The following GBP5 variants were observed in gnomAD, a reference collection of about 807,000 sequenced individuals.
GBP5 encodes the protein guanylate binding protein 5.
A neutral mutation model predicts 58.2 loss-of-function variants in GBP5; 48 were observed. The observed-to-expected ratio is 0.83, with a 90% CI of 0.65 to 1.05. The LOEUF is 1.05. GBP5 is among the 50% of genes least tolerant of loss of function. The pLI is 0.00. For synonymous variants in GBP5, 248 were observed against 251.8 expected (o/e 0.98, Z 0.14); for missense variants, 714 against 686.8 (o/e 1.04, Z -0.44).
chr1:89,263,893 G>A lies in GBP5; in HGVS notation c.1205C>T (p.Ser402Leu), dbSNP rs750275362. The part of the protein sequence containing the change: ...DICKRNLEAS[S>L]DYCSALLKDI... ...CTTAAGTAAAGCCGAGCAATAATCC[G>A]AGGATGCTTCCAGGTTCCGTTTACA... is the stretch of plus-strand genomic sequence containing the variant. The change falls in exon 9 of 12, where the codon TCG (serine) becomes TTG (leucine). Residue 402 changes from serine to leucine, a missense_variant. By Grantham distance (145) the Ser-to-Leu change is moderately radical. Transcript: ENST00000370459. The A allele has an allele frequency of 2.4e-5, 39 of 1,612,456 alleles. No homozygotes were observed. The South Asian group carries it at 3.0e-4, about 12-fold the overall frequency.
intron 2 of GBP5, 101 bp from the exon 3 acceptor site, chr1:89,269,675 G>T: frequency 4.3e-6 from 3 of 690,230 alleles, no homozygotes; most frequent in Non-Finnish European, 2.5e-6. Flanking sequence ...CTACTCCCCA[G>T]CACTGCCTAA....
intron 9 of GBP5, 87 bp from the exon 10 acceptor site, chr1:89,262,872 A>G: frequency 1.2e-6 from 1 of 816,538 alleles, no homozygotes; most frequent in Non-Finnish European, 1.9e-6. Flanking sequence ...TTCCAGCAGC[A>G]TCTATTCCTC....
Position 89,269,537 on chromosome 1 carries a change from T to G in GBP5, c.19A>C (p.Met7Leu), listed in dbSNP as rs772520979. 4.1e-5 allele frequency: 66 copies of G among 1,613,494 alleles called. No homozygotes were observed. The highest frequency in any genetic ancestry group is 4.2e-5 in the Non-Finnish European group (49 of 1,179,488). ...TCGATGAGGCACATGGGGTCTGACA[T>G]GTGGATCTCTAAAGCCATGTCTAGG... MALEIH[M>L]SDPMCLIENF... Residue 7 changes from methionine (M) to leucine (L), a missense_variant, in exon 3 of 12, where the codon ATG becomes CTG. Physicochemically the swap from Met to Leu is conservative, Grantham distance 15. Coordinates refer to ENST00000370459, the MANE Select transcript of GBP5 (RefSeq NM_052942.5).
chr1:89,260,342 G>A lies in GBP5; in HGVS notation c.*362C>T, dbSNP rs1649958915. The A allele has an allele frequency of 5.7e-6, 1 of 176,542 alleles. No individual in the cohort carries two copies. The highest frequency in any genetic ancestry group is 1.1e-4 in the South Asian group (1 of 8,944). 10.9% of individuals were successfully genotyped at this position (176,542 alleles called of 1,614,324 possible). Reference sequence around the variant, plus strand: ...AGAGCTAGTCTATGGCCTGAGGGTTGGGAAGCCCTGCTCTAGGTAACATAA... The same window carrying A: ...AGAGCTAGTCTATGGCCTGAGGGTTAGGAAGCCCTGCTCTAGGTAACATAA... On this transcript the variant is annotated 3_prime_UTR_variant, in exon 12 of 12. Coordinates refer to ENST00000370459, the MANE Select transcript of GBP5 (RefSeq NM_052942.5).
At chr1:89,262,498 C>T (rs1009907895) in intron 10 of GBP5, 97 bp from the exon 11 acceptor site, 2 of 1,188,330 alleles carry the variant, frequency 1.7e-6, no homozygotes, top group African/African-American at 3.1e-5. Context: ...GGATAAAATT[C>T]CCAGGGGTTG....
chr1:89,261,555 C>T (rs2100715873), intron 11 of GBP5, among the ~76,000 whole-genome samples: 2 of 152,278 alleles, frequency 1.3e-5, no homozygotes, highest in East Asian at 3.9e-4. Context: ...CCCCACTTAT[C>T]TCATCTGAAA....
Position 89,264,780 on chromosome 1 carries a change from A to T in GBP5, c.1055T>A (p.Leu352Gln). The stretch of plus-strand genomic sequence containing the variant: ...CCTCTCACTGGTCCTGTGCAGGTCC[A>T]GCAGCTCCTGGAGGGTTTCCATGGG... ...QLPMETLQEL[L>Q]DLHRTSEREA... Residue 352 changes from leucine to glutamine, a missense_variant, in exon 8 of 12, where the codon CTG becomes CAG. By Grantham distance (113) the Leu-to-Gln change is moderately radical. Transcript: ENST00000370459. 1.2e-6 allele frequency: 2 copies of T among 1,614,220 alleles called. No individual in the cohort carries two copies. The highest frequency in any genetic ancestry group is 8.5e-7 in the Non-Finnish European group (1 of 1,180,034).
intron 4 of GBP5, 48 bp from the exon 5 acceptor site, chr1:89,267,574 G>T: frequency 8.8e-7 from 1 of 1,136,014 alleles, no homozygotes; most frequent in African/African-American, 1.5e-5. Flanking sequence ...ATTCCCAGAT[G>T]AGCGATATTT....
At chr1:89,265,485 T>C (rs1315766899) in intron 7 of GBP5, among the ~76,000 whole-genome samples, 3 of 151,400 alleles carry the variant, frequency 2.0e-5, no homozygotes, top group Non-Finnish European at 4.4e-5. Context: ...AGTGCAAAGT[T>C]TGGGAGGCTG....
chr1:89,268,835 A>C lies in GBP5; in HGVS notation c.212T>G (p.Val71Gly). The C allele has an allele frequency of 6.2e-7, 1 of 1,614,020 alleles. No individual in the cohort carries two copies. The highest frequency in any genetic ancestry group is 8.5e-7 in the Non-Finnish European group (1 of 1,179,944). ...KNKGFSVAST[V>G]QSHTKGIWIW... ...CCAAATTCCCTTGGTGTGAGACTGCACCGTAGATGCAACAGAGAAGCCTGT... is the reference window on the plus strand; with the variant it reads ...CCAAATTCCCTTGGTGTGAGACTGCCCCGTAGATGCAACAGAGAAGCCTGT... The change falls in exon 4 of 12, where the codon GTG becomes GGG. Residue 71 changes from valine to glycine, a missense_variant. Transcript: ENST00000370459.
Position 89,266,583 on chromosome 1 carries a change from C to A in GBP5, c.631G>T (p.Asp211Tyr). Reference protein sequence around the residue: ...ENSLRPKQGSDQRVQNFNLPR... With the variant: ...ENSLRPKQGSYQRVQNFNLPR... ...AAATTGAAATTTTGAACTCTTTGAT[C>A]ACTACCTGGAGAATAAAAAATAGGA... The change falls in exon 7 of 12, where the codon GAT becomes TAT. Residue 211 changes from aspartate to tyrosine, a missense_variant. Transcript: ENST00000370459. 1.2e-6 allele frequency: 2 copies of A among 1,611,188 alleles called. No homozygotes were observed. Among genetic ancestry groups the A allele is most frequent in the South Asian group, 2.2e-5 (2 of 90,928 alleles).
At chr1:89,265,071 GT>G in intron 7 of GBP5, 105 bp from the exon 8 acceptor site, 1 of 1,141,866 alleles carries the variant, frequency 8.8e-7, no homozygotes, top group Non-Finnish European at 1.3e-6. Flanking sequence ...GCCTGAAATT[GT>G]TTAGCATTAT....
At position 89,262,419 on chromosome 1, in the gene GBP5, A is replaced by G. The variant is rs1557500449; in HGVS notation, c.1466-18T>C. ...TTGTGCCTCTGAGGAGAAAAAGATA[A>G]TCTTCTCTAGGATTAATGTGCCTCT... On this transcript the variant is annotated intron_variant, in intron 10 of 11. Coordinates refer to ENST00000370459, the MANE Select transcript of GBP5 (RefSeq NM_052942.5). 1.2e-6 allele frequency: 2 copies of G among 1,605,822 alleles called. No individual in the cohort carries two copies. Among genetic ancestry groups the G allele is most frequent in the East Asian group, 4.5e-5 (2 of 44,822 alleles).
At position 89,257,356 on chromosome 1, in the gene GBP5, A is replaced by T. The variant is rs1410299173; in HGVS notation, c.*3348T>A. ...AAGCACATGAAAACCCACCCCCATG[A>T]TTTGATTACCTCCCACCTGGTCCCT... On this transcript the variant is annotated 3_prime_UTR_variant, in exon 12 of 12. Coordinates refer to ENST00000370459, the MANE Select transcript of GBP5 (RefSeq NM_052942.5). Among the ~76,000 whole-genome samples the T allele has an allele frequency of 6.6e-6, 1 of 152,170 alleles. No homozygotes were observed. Among genetic ancestry groups the T allele is most frequent in the East Asian group, 1.9e-4 (1 of 5,194 alleles).
intron 9 of GBP5, chr1:89,263,412 T>G (rs770839025): frequency 4.3e-6 from 1 of 233,206 alleles, no homozygotes; most frequent in Non-Finnish European, 8.5e-6. Context: ...TTTCTTAGGT[T>G]AGTTTCAAGT....
At position 89,260,755 on chromosome 1, in the gene GBP5, G is replaced by A. The variant is rs148301962; in HGVS notation, c.1710C>T (p.Leu570=). ...TATTAACAGTCCTCTGGGCGTGCTGGAGCTCACTGAGAAGGCTTCTATTTT... is the reference window on the plus strand; with the variant it reads ...TATTAACAGTCCTCTGGGCGTGCTGAAGCTCACTGAGAAGGCTTCTATTTT... ...QAQNRSLLSE[L]QHAQRTVNND... The change falls in exon 12 of 12, where the codon CTC becomes CTT. Residue 570 remains leucine (L), a synonymous_variant. Transcript: ENST00000370459. The A allele has an allele frequency of 6.8e-4, 1,098 of 1,613,986 alleles. 1 individual carries two copies. Among genetic ancestry groups the A allele is most frequent in the Non-Finnish European group, 8.8e-4 (1,042 of 1,179,986 alleles).
At chr1:89,270,016 T>C (rs1434543894) in intron 2 of GBP5, 2 of 152,360 alleles carry the variant, frequency 1.3e-5, no homozygotes, top group Non-Finnish European at 2.9e-5. Flanking sequence ...GTTAGATCTA[T>C]GTCCAGTCAA....
chr1:89,271,298 C>T (rs1650440313), intron 1 of GBP5: 1 of 152,158 alleles, frequency 6.6e-6, no homozygotes, highest in Non-Finnish European at 1.5e-5. Flanking sequence ...GATTTCCAAC[C>T]CCAGCCCTAC....
Position 89,258,181 on chromosome 1 carries a change from C to T in GBP5, c.*2523G>A, listed in dbSNP as rs971797895. On this transcript the variant is annotated 3_prime_UTR_variant, in exon 12 of 12. Coordinates refer to ENST00000370459, the MANE Select transcript of GBP5 (RefSeq NM_052942.5). Reference sequence around the variant, plus strand: ...ATCTGTGGATCACTAATGAAAGCAGCATGCCTCTCTGGTTTTTGGTGGGGG... The same window carrying T: ...ATCTGTGGATCACTAATGAAAGCAGTATGCCTCTCTGGTTTTTGGTGGGGG... 6.6e-6 allele frequency among the ~76,000 whole-genome samples: 1 copy of T among 152,136 alleles called. No homozygotes were observed. Among genetic ancestry groups the T allele is most frequent in the Admixed American group, 6.5e-5 (1 of 15,270 alleles).
Sources: allele counts gnomAD v4.1 joint callset (sites outside exome capture counted in the v4.1 genomes callset), GRCh38; gene constraint gnomAD v4.1.1; transcripts MANE v1.5; gene names NCBI Gene and HGNC (gene_info 2026-07-23, HGNC 2026-07-21).